Variants in PKIA observed in about 807,000 individuals in gnomAD.
The protein encoded by PKIA is PKI-alpha.
PKIA carries 4 observed loss-of-function variants against 7.6 expected under a neutral mutation model. The ratio of observed to expected loss-of-function variants is 0.52; its 90% CI spans 0.26 to 1.20. The LOEUF is 1.20. Ranked by LOEUF, PKIA falls within the 50% of genes most tolerant of loss-of-function variation. The pLI is 0.13. For synonymous variants in PKIA, 21 were observed against 30.7 expected, an observed-to-expected ratio of 0.68 and a Z score of 1.04; for missense variants, 73 against 86.2, an observed-to-expected ratio of 0.85 and a Z score of 0.61.
At chr8:78,571,005 A>G (rs919591197) in intron 1 of PKIA, among the ~76,000 whole-genome samples, 1 of 152,138 alleles carries the variant, frequency 6.6e-6, no homozygotes, top group Non-Finnish European at 1.5e-5. Flanking sequence ...GGATGCCCCA[A>G]TAAAGTAAAT....
At chr8:78,600,439 C>T (rs1039684440) in intron 3 of PKIA, among the ~76,000 whole-genome samples, 1 of 151,992 alleles carries the variant, frequency 6.6e-6, no homozygotes, top group African/African-American at 2.4e-5. Flanking sequence ...GAGAAGTGTC[C>T]CCAGACATCT....
chr8:78,516,347 G>C lies in PKIA; in HGVS notation c.-278G>C, dbSNP rs1163463985. 1 of 152,240 alleles carries C rather than the reference G, an allele frequency of 6.6e-6. No homozygotes were observed. Among genetic ancestry groups the C allele is most frequent in the African/African-American group, 2.4e-5 (1 of 41,424 alleles). 9.4% of individuals were successfully genotyped at this position (152,240 alleles called of 1,614,324 possible). The stretch of plus-strand genomic sequence containing the variant: ...CAGCCGGAGCTCCGCGGCGGGAGCG[G>C]AGGCTGCTGCTGGCAGGTGGGGCGC... On this transcript the variant is annotated 5_prime_UTR_variant, in exon 1 of 4. Transcript: ENST00000396418.
At chr8:78,550,785 T>C (rs1026602287) in intron 1 of PKIA, among the ~76,000 whole-genome samples, 6 of 152,140 alleles carry the variant, frequency 3.9e-5, no homozygotes, top group African/African-American at 1.4e-4. Context: ...CTGAACCCAA[T>C]TTGTAGCCTT....
chr8:78,527,357 T>C (rs1485280461), intron 1 of PKIA, among the ~76,000 whole-genome samples: 5 of 152,056 alleles, frequency 3.3e-5, no homozygotes, highest in African/African-American at 7.2e-5. Context: ...ATATTTTATG[T>C]ATATTATAAA....
In PKIA at chr8:78,558,145, C is replaced by T. The variant is rs1362991695; in HGVS notation, c.-156-14666C>T. 3.3e-5 allele frequency among the ~76,000 whole-genome samples: 5 copies of T among 152,064 alleles called. No individual in the cohort carries two copies. The South Asian group carries it at 6.2e-4, about 19-fold the overall frequency. ...TTACATTAAATCAGGTAATGAATAC[C>T]GCTTCTGGATCCAAACATTGGTTTA... On this transcript the variant is annotated intron_variant, in intron 1 of 3. Transcript: ENST00000396418.
intron 2 of PKIA, among the ~76,000 whole-genome samples, chr8:78,594,363 TAAA>T (rs112951068): frequency 5.5e-4 from 76 of 138,408 alleles, no homozygotes; most frequent in African/African-American, 1.5e-3. Context: ...TGGTTGAAGT[TAAA>T]AAAAAAAAAA....
rs115240877 is a variant in PKIA at position 78,548,066 on chromosome 8, A to G, written c.-156-24745A>G. ...TATATTAAGATAAATAGTATGAAAT[A>G]AGTTTTAAAAAATATTAGAATAACA... is the stretch of plus-strand genomic sequence containing the variant. On this transcript the variant is annotated intron_variant, in intron 1 of 3. Transcript: ENST00000396418. 2.1e-3 allele frequency among the ~76,000 whole-genome samples: 315 copies of G among 152,228 alleles called. 1 individual carries two copies. The highest frequency in any genetic ancestry group is 7.4e-3 in the African/African-American group (307 of 41,570).
At position 78,554,088 on chromosome 8, in the gene PKIA, G is replaced by A. The variant is rs998293601; in HGVS notation, c.-156-18723G>A. ...ATATGTAGAGTGCATTTATAAAGATGTTAGAAGGAGCAAGTCGTAGATCAC... is the reference window on the plus strand; with the variant it reads ...ATATGTAGAGTGCATTTATAAAGATATTAGAAGGAGCAAGTCGTAGATCAC... On this transcript the variant is annotated intron_variant, in intron 1 of 3. Coordinates refer to ENST00000396418, the MANE Select transcript of PKIA (RefSeq NM_006823.4). Among the ~76,000 whole-genome samples the A allele has an allele frequency of 1.3e-5, 2 of 152,000 alleles. 1 individual carries two copies. Among genetic ancestry groups the A allele is most frequent in the Admixed American group, 1.3e-4 (2 of 15,244 alleles).
At chr8:78,598,637 T>C (rs904205703) in intron 3 of PKIA, 102 bp downstream of exon 3, 4 of 885,804 alleles carry the variant, frequency 4.5e-6, no homozygotes, top group Admixed American at 2.1e-5. Context: ...AGTAATCTAA[T>C]GTAAAGAGTT....
At chr8:78,584,796 G>C (rs1359662893) in intron 2 of PKIA, among the ~76,000 whole-genome samples, 9 of 152,014 alleles carry the variant, frequency 5.9e-5, no homozygotes, top group African/African-American at 1.9e-4. Context: ...TATAAATCTC[G>C]AGTAGTTAAT....
intron 2 of PKIA, among the ~76,000 whole-genome samples, chr8:78,591,911 T>C (rs545037428): frequency 3.3e-5 from 5 of 152,188 alleles, no homozygotes; most frequent in Admixed American, 1.3e-4. Flanking sequence ...GCTGGTCTAC[T>C]AAACTTCCGT....
rs1424566914 is a variant in PKIA at position 78,603,893 on chromosome 8, G to A, written c.*2072G>A. The stretch of plus-strand genomic sequence containing the variant: ...ATATACTGTTATTAATGCATGTGGT[G>A]CCATGCTTGTCTTTAAATATATAAA... On this transcript the variant is annotated 3_prime_UTR_variant, in exon 4 of 4. Transcript: ENST00000396418. 6.6e-6 allele frequency: 1 copy of A among 151,930 alleles called. No homozygotes were observed. The highest frequency in any genetic ancestry group is 2.4e-5 in the African/African-American group (1 of 41,378). The allele number at this position is 151,930 out of a possible 1,614,324, so 9.4% of individuals were successfully genotyped here.
intron 2 of PKIA, among the ~76,000 whole-genome samples, chr8:78,581,993 T>G (rs1024792695): frequency 6.6e-6 from 1 of 152,024 alleles, no homozygotes; most frequent in African/African-American, 2.4e-5. Flanking sequence ...CATTTCAACG[T>G]TTTTGTAAGT....
At chr8:78,565,613 T>G (rs1470120006) in intron 1 of PKIA, among the ~76,000 whole-genome samples, 1 of 151,988 alleles carries the variant, frequency 6.6e-6, no homozygotes, top group African/African-American at 2.4e-5. Context: ...GTGCTCTTGC[T>G]ATTTCTCAGT....
chr8:78,569,365 C>G (rs994354888), intron 1 of PKIA, among the ~76,000 whole-genome samples: 1 of 152,116 alleles, frequency 6.6e-6, no homozygotes, highest in Non-Finnish European at 1.5e-5. Context: ...GGGAAGGTGT[C>G]AGCAAGGCCA....
intron 1 of PKIA, among the ~76,000 whole-genome samples, chr8:78,569,064 G>T (rs1294457892): frequency 6.6e-6 from 1 of 152,024 alleles, no homozygotes; most frequent in South Asian, 2.1e-4. Flanking sequence ...ACACAGCCAT[G>T]GGGTCCAGTG....
At chr8:78,562,224 A>C (rs1374330249) in intron 1 of PKIA, among the ~76,000 whole-genome samples, 1 of 152,166 alleles carries the variant, frequency 6.6e-6, no homozygotes, top group Non-Finnish European at 1.5e-5. Context: ...CACCAAGCTT[A>C]TATTAATATA....
intron 2 of PKIA, among the ~76,000 whole-genome samples, chr8:78,578,581 GT>G (rs1353138389): frequency 6.6e-6 from 1 of 151,844 alleles, no homozygotes; most frequent in East Asian, 1.9e-4. Flanking sequence ...AGAATATCAA[GT>G]TTTAAGTTAT....
At chr8:78,547,935 T>A (rs1269524685) in intron 1 of PKIA, among the ~76,000 whole-genome samples, 1 of 152,182 alleles carries the variant, frequency 6.6e-6, no homozygotes, top group Non-Finnish European at 1.5e-5. Flanking sequence ...AGAATTTTCA[T>A]GTTCACAGTT....
Sources: gnomAD v4.1 joint callset for allele counts (sites outside exome capture counted in the v4.1 genomes callset) on GRCh38, gnomAD v4.1.1 for gene constraint, MANE v1.5 for transcripts, NCBI Gene and HGNC (gene_info 2026-07-23, HGNC 2026-07-21) for gene names.